STYX: variants seen among roughly 807,000 people sequenced by gnomAD.
The protein encoded by STYX is serine/threonine/tyrosine interacting protein.
In STYX, 20 loss-of-function variants were observed where a neutral mutation model predicts 42.7. That is an observed-to-expected ratio of 0.47 (90% confidence interval 0.33 to 0.68). The LOEUF (loss-of-function observed/expected upper bound fraction) is 0.68, where lower values mean the gene tolerates loss of function less well. Among genes scored for constraint, STYX ranks in the 30% least tolerant of loss-of-function variants. The pLI, the probability that STYX is intolerant of heterozygous loss-of-function variation, is 0.02. For missense variants in STYX, 226 were observed against 268.5 expected (o/e 0.84, Z 1.11); for synonymous variants, 78 against 81.9 (o/e 0.95, Z 0.26).
intron 9 of STYX, among the ~76,000 whole-genome samples, chr14:52,761,568 T>TC (rs1254156584): frequency 7.5e-6 from 1 of 133,824 alleles, no homozygotes; most frequent in Admixed American, 7.2e-5. Flanking sequence ...AGCCAAAAGT[T>TC]TTTTTTTTTT....
At chr14:52,756,679 T>G in intron 5 of STYX, 68 bp downstream of exon 5, 2 of 148,496 alleles carry the variant, frequency 1.3e-5, no homozygotes, top group African/African-American at 4.7e-5. Context: ...GTTGTGCTTT[T>G]TTTTTTTTTT....
At chr14:52,745,233 G>C (rs1409239559) in intron 2 of STYX, among the ~76,000 whole-genome samples, 2 of 151,326 alleles carry the variant, frequency 1.3e-5, no homozygotes, top group African/African-American at 4.9e-5. Flanking sequence ...TGATTCTCCT[G>C]CCTCAGCCTC....
intron 9 of STYX, among the ~76,000 whole-genome samples, chr14:52,761,787 G>A (rs985760068): frequency 6.7e-6 from 1 of 149,176 alleles, no homozygotes; most frequent in African/African-American, 2.5e-5. Flanking sequence ...GCTCACGCCT[G>A]TAATCCCAAC....
intron 9 of STYX, among the ~76,000 whole-genome samples, chr14:52,766,073 T>A (rs751247923): frequency 6.6e-6 from 1 of 152,174 alleles, no homozygotes; most frequent in Non-Finnish European, 1.5e-5. Flanking sequence ...CATGGTTCAC[T>A]GTAGCCTTGA....
Position 52,771,165 on chromosome 14 carries a change from A to G in STYX, c.*59A>G. The G allele has an allele frequency of 6.8e-7, 1 of 1,465,406 alleles. No homozygotes were observed. Among genetic ancestry groups the G allele is most frequent in the Non-Finnish European group, 9.4e-7 (1 of 1,068,160 alleles). 90.8% of individuals were successfully genotyped at this position (1,465,406 alleles called of 1,614,324 possible). A position where few individuals can be genotyped will look rare whatever the true frequency, so the allele number is the denominator to read the frequency against. On this transcript the variant is annotated 3_prime_UTR_variant, in exon 11 of 11. Coordinates refer to ENST00000354586, the MANE Select transcript of STYX (RefSeq NM_145251.4). The stretch of plus-strand genomic sequence containing the variant: ...ATTTGGGAAGGAGAAAATACAAGAG[A>G]AAATTATAATGTAAAATGGTAAAAA...
chr14:52,771,277 C>T lies in STYX; in HGVS notation c.*171C>T. Reference sequence around the variant, plus strand: ...AGCAACATTTTAAGATGTTGGACTTCTGCAATAGATGACACTGATGGTTTT... The same window carrying T: ...AGCAACATTTTAAGATGTTGGACTTTTGCAATAGATGACACTGATGGTTTT... On this transcript the variant is annotated 3_prime_UTR_variant, in exon 11 of 11. Coordinates refer to ENST00000354586, the MANE Select transcript of STYX (RefSeq NM_145251.4). 1 of 557,890 alleles carries T rather than the reference C, an allele frequency of 1.8e-6. No individual in the cohort carries two copies. Among genetic ancestry groups the T allele is most frequent in the Admixed American group, 3.4e-5 (1 of 29,624 alleles). 34.6% of individuals were successfully genotyped at this position (557,890 alleles called of 1,614,324 possible). A position where few individuals can be genotyped will look rare whatever the true frequency, so the allele number is the denominator to read the frequency against.
At chr14:52,768,778 C>A in intron 9 of STYX, 62 bp from the exon 10 acceptor site, 1 of 1,174,742 alleles carries the variant, frequency 8.5e-7, no homozygotes, top group South Asian at 1.6e-5. Context: ...ACATTAATCA[C>A]TATTTTGGGT....
chr14:52,759,638 C>T, intron 8 of STYX, 44 bp from the exon 9 acceptor site: 1 of 1,306,066 alleles, frequency 7.7e-7, no homozygotes, highest in Non-Finnish European at 1.1e-6. Flanking sequence ...ATGATTAATT[C>T]ATTAAATAAT....
intron 10 of STYX, 74 bp downstream of exon 10, chr14:52,769,007 A>C: frequency 9.1e-7 from 1 of 1,099,960 alleles, no homozygotes; most frequent in Non-Finnish European, 1.3e-6. Context: ...TACAAGTTAC[A>C]CTGAACAATT....
intron 3 of STYX, among the ~76,000 whole-genome samples, chr14:52,749,444 A>G (rs1179608471): frequency 1.3e-5 from 2 of 152,226 alleles, no homozygotes; most frequent in African/African-American, 4.8e-5. Flanking sequence ...TTAAATATAT[A>G]GGATTTAAAA....
At chr14:52,756,449 T>A in intron 4 of STYX, 102 bp from the exon 5 acceptor site, 1 of 691,490 alleles carries the variant, frequency 1.4e-6, no homozygotes, top group African/African-American at 1.9e-5. Context: ...GAAAGTTGTT[T>A]TGCATTCTTG....
intron 9 of STYX, among the ~76,000 whole-genome samples, chr14:52,767,166 G>A (rs546411707): frequency 1.3e-5 from 2 of 152,192 alleles, no homozygotes; most frequent in African/African-American, 4.8e-5. Flanking sequence ...AGAGATGCAC[G>A]TATTTGGGGA....
At chr14:52,756,746 G>A (rs1881885604) in intron 5 of STYX, 135 bp downstream of exon 5, 1 of 445,214 alleles carries the variant, frequency 2.2e-6, no homozygotes, top group East Asian at 4.0e-5. Flanking sequence ...GGAGTGCAAT[G>A]GCGCAATCTT....
intron 4 of STYX, among the ~76,000 whole-genome samples, chr14:52,752,865 T>G (rs2139908505): frequency 7.1e-6 from 1 of 141,548 alleles, no homozygotes; most frequent in South Asian, 2.3e-4. Context: ...TTAATTTTGT[T>G]TTTTTTTGTT....
chr14:52,757,937 C>T lies in STYX; in HGVS notation c.431+13C>T. On this transcript the variant is annotated intron_variant, in intron 8 of 10. Transcript: ENST00000354586. ...GAATGAAGTACAGGTAAGAAAATAC[C>T]CTAAAACCTAGCCACAGTTTAAATT... is the stretch of plus-strand genomic sequence containing the variant. The T allele has an allele frequency of 6.2e-7, 1 of 1,609,508 alleles. No individual in the cohort carries two copies. The highest frequency in any genetic ancestry group is 8.5e-7 in the Non-Finnish European group (1 of 1,179,114).
Position 52,757,833 on chromosome 14 carries a change from G to A in STYX, c.381-41G>A, listed in dbSNP as rs368114704. 7 of 1,612,308 alleles carry A rather than the reference G, an allele frequency of 4.3e-6. No individual in the cohort carries two copies. The African/African-American group carries it at 6.7e-5, about 15-fold the overall frequency. ...TTCTATAACATTTAATTAATGGGCT[G>A]TATTTTCTGGTTGTTTTTAAAATTA... On this transcript the variant is annotated intron_variant, in intron 7 of 10. Transcript: ENST00000354586.
chr14:52,759,542 G>T, intron 8 of STYX, 140 bp from the exon 9 acceptor site: 2 of 655,980 alleles, frequency 3.0e-6, no homozygotes, highest in Non-Finnish European at 5.3e-6. Flanking sequence ...CATATAGCTG[G>T]TGAGAAAAGG....
Position 52,759,666 on chromosome 14 carries a change from C to CT in STYX, c.432-11dup, listed in dbSNP as rs764509518. 2.6e-6 allele frequency: 4 copies of CT among 1,551,662 alleles called. No homozygotes were observed. In the South Asian group the frequency reaches 3.4e-5, roughly 13 times the overall value. ...TAAATAATGCTATCACATTAACACT[C>CT]TTTTTCTGTTTTCAGAGATGCTTTT... On this transcript the variant is annotated splice_polypyrimidine_tract_variant and intron_variant, in intron 8 of 10. Transcript: ENST00000354586.
chr14:52,770,849 T>A (rs989556421), intron 10 of STYX, among the ~76,000 whole-genome samples, 184 bp from the exon 11 acceptor site: 30 of 152,114 alleles, frequency 2.0e-4, no homozygotes, highest in Admixed American at 1.5e-3. Flanking sequence ...TATCCTGTCA[T>A]GAAGATTAAA....
Sources: allele counts gnomAD v4.1 joint callset (sites outside exome capture counted in the v4.1 genomes callset), GRCh38; gene constraint gnomAD v4.1.1; transcripts MANE v1.5; gene names NCBI Gene and HGNC (gene_info 2026-07-23, HGNC 2026-07-21).